PDE1C: variants seen among roughly 807,000 people sequenced by gnomAD.
PDE1C encodes the protein phosphodiesterase 1C.
A neutral mutation model predicts 93.1 loss-of-function variants in PDE1C; 62 were observed. The observed-to-expected ratio is 0.67, with a 90% CI of 0.54 to 0.82. PDE1C has a LOEUF of 0.82. PDE1C is among the 40% of genes least tolerant of loss of function. PDE1C has a pLI of 0.00. For missense variants in PDE1C, 742 were observed against 884.6 expected (o/e 0.84, Z 2.04); for synonymous variants, 325 against 310.1 (o/e 1.05, Z -0.50).
chr7:31,651,125 T>C, the PDE1C span: 1 of 1,608,778 alleles, frequency 6.2e-7, no homozygotes, highest in Admixed American at 1.7e-5. Flanking sequence ...TTCTCAGTTC[T>C]TTCTCATTGT....
intron 2 of PDE1C, among the ~76,000 whole-genome samples, chr7:31,889,691 G>A (rs1798388046): frequency 6.6e-6 from 1 of 152,172 alleles, no homozygotes; most frequent in African/African-American, 2.4e-5. Context: ...TGTCCAAAGT[G>A]AGTGTGTCAG....
At chr7:31,676,577 AT>A in the PDE1C span, among the ~76,000 whole-genome samples, 1 of 152,130 alleles carries the variant, frequency 6.6e-6, no homozygotes, top group South Asian at 2.1e-4. Flanking sequence ...TATATAAGGA[AT>A]ACACATATAT....
chr7:32,089,648 C>T (rs1260538760), intron 3 of PDE1C, among the ~76,000 whole-genome samples: 1 of 152,148 alleles, frequency 6.6e-6, no homozygotes, highest in South Asian at 2.1e-4. Context: ...AGGGTCTGCA[C>T]GGCCATGCTA....
At chr7:32,026,714 A>T (rs1232530005) in intron 2 of PDE1C, among the ~76,000 whole-genome samples, 1 of 152,150 alleles carries the variant, frequency 6.6e-6, no homozygotes, top group Non-Finnish European at 1.5e-5. Flanking sequence ...GGTCCACAAA[A>T]AATGGCAGCT....
chr7:32,185,642 C>G (rs1803801570), intron 2 of PDE1C, among the ~76,000 whole-genome samples: 1 of 152,136 alleles, frequency 6.6e-6, no homozygotes, highest in African/African-American at 2.4e-5. Context: ...TTTGCATCTT[C>G]TGTTTTAATC....
chr7:32,055,227 T>C (rs1409434941), intron 1 of PDE1C, among the ~76,000 whole-genome samples: 3 of 152,216 alleles, frequency 2.0e-5, no homozygotes, highest in Non-Finnish European at 4.4e-5. Context: ...CAATGATTTA[T>C]AATGAGCAGT....
At chr7:31,655,860 G>A in the PDE1C span, 295 of 985,412 alleles carry the variant, frequency 3.0e-4, no homozygotes, top group East Asian at 6.8e-4. Flanking sequence ...TCCCTGTAAC[G>A]CCTACGGAAT....
At chr7:32,242,331 G>A (rs1368628626) in intron 1 of PDE1C, among the ~76,000 whole-genome samples, 1 of 152,128 alleles carries the variant, frequency 6.6e-6, no homozygotes, top group Admixed American at 6.5e-5. Flanking sequence ...TGTTGAAGGT[G>A]GGCATCTAGA....
intron 2 of PDE1C, among the ~76,000 whole-genome samples, chr7:32,187,414 C>G (rs1011526341): frequency 1.2e-4 from 18 of 152,128 alleles, no homozygotes; most frequent in African/African-American, 3.9e-4. Context: ...ATGAGATTAC[C>G]TTTCCCATCT....
At chr7:31,982,997 G>GA (rs991816195) in intron 2 of PDE1C, among the ~76,000 whole-genome samples, 41 of 152,154 alleles carry the variant, frequency 2.7e-4, no homozygotes, top group African/African-American at 9.9e-4. Flanking sequence ...TCTTCTGAAT[G>GA]AACAAAATGC....
intron 3 of PDE1C, among the ~76,000 whole-genome samples, chr7:32,112,962 T>C (rs1050307795): frequency 2.0e-4 from 30 of 148,926 alleles, no homozygotes; most frequent in Admixed American, 1.7e-3. Flanking sequence ...CCCCTAAGAG[T>C]AGCAGTATTA....
rs1038279986 is a variant in PDE1C at position 32,077,829 on chromosome 7, A to C, written c.308+91956T>G. On this transcript the variant is annotated intron_variant, in intron 3 of 18. Transcript: ENST00000396193. Reference sequence around the variant, plus strand: ...CAGGATCCACCTGCCTCGGCCTCCCAAAATGCTGGGATTACAGGCATACTT... The same window carrying C: ...CAGGATCCACCTGCCTCGGCCTCCCCAAATGCTGGGATTACAGGCATACTT... 1.7e-5 allele frequency: 17 copies of C among 981,942 alleles called. No homozygotes were observed. The African/African-American group carries it at 3.0e-4, about 17-fold the overall frequency. The allele number at this position is 981,942 out of a possible 1,614,324, so 60.8% of individuals were successfully genotyped here.
intron 1 of PDE1C, among the ~76,000 whole-genome samples, chr7:32,423,804 C>T (rs1198554252): frequency 1.3e-5 from 2 of 152,162 alleles, no homozygotes; most frequent in Non-Finnish European, 2.9e-5. Context: ...GCACTTGACA[C>T]ATCTTTTCAA....
chr7:32,221,739 GT>G (rs5883336), intron 1 of PDE1C, among the ~76,000 whole-genome samples: 1 of 152,008 alleles, frequency 6.6e-6, no homozygotes, highest in South Asian at 2.1e-4. Flanking sequence ...CTTCAGCAAT[GT>G]TTTTTTGAGA....
intron 1 of PDE1C, among the ~76,000 whole-genome samples, chr7:32,361,789 T>G (rs1244617051): frequency 6.6e-6 from 1 of 152,170 alleles, no homozygotes; most frequent in Non-Finnish European, 1.5e-5. Flanking sequence ...TCCTTACCAA[T>G]GCCGCTCTCC....
the PDE1C span, among the ~76,000 whole-genome samples, chr7:31,649,775 C>T: frequency 6.6e-6 from 1 of 152,142 alleles, no homozygotes; most frequent in African/African-American, 2.4e-5. Context: ...CTGGTAAGAA[C>T]TCAGCAAGTC....
At chr7:31,617,698 G>A in the PDE1C span, among the ~76,000 whole-genome samples, 1 of 151,834 alleles carries the variant, frequency 6.6e-6, no homozygotes, top group African/African-American at 2.4e-5. Flanking sequence ...ATTTATATTA[G>A]TGCTCCCTCC....
chr7:32,208,719 C>G (rs536203648), intron 2 of PDE1C, among the ~76,000 whole-genome samples: 11 of 152,140 alleles, frequency 7.2e-5, no homozygotes, highest in African/African-American at 2.7e-4. Context: ...TTTTCCCCCC[C>G]CTTCTTTGGA....
chr7:31,913,302 G>T (rs1801482447), intron 2 of PDE1C, among the ~76,000 whole-genome samples: 1 of 152,114 alleles, frequency 6.6e-6, no homozygotes, highest in Non-Finnish European at 1.5e-5. Flanking sequence ...GAAAATGTTG[G>T]AATGAAATTT....
Sources: allele counts gnomAD v4.1 joint callset (sites outside exome capture counted in the v4.1 genomes callset), GRCh38; gene constraint gnomAD v4.1.1; transcripts MANE v1.5; gene names NCBI Gene and HGNC (gene_info 2026-07-23, HGNC 2026-07-21).